The following ZNF654 variants were observed in gnomAD, a reference collection of about 807,000 sequenced individuals.
The protein encoded by ZNF654 is zinc finger protein 654, also known as melanoma-associated antigen.
ZNF654 carries 19 observed loss-of-function variants against 95.3 expected under a neutral mutation model. The observed-to-expected ratio is 0.20, with a 90% confidence interval of 0.14 to 0.29. The LOEUF (loss-of-function observed/expected upper bound fraction) is 0.29, where lower values mean the gene tolerates loss of function less well. Ranked by LOEUF, ZNF654 falls within the 10% of genes least tolerant of loss-of-function variation. The pLI is 1.00. For missense variants in ZNF654, 1,046 were observed against 1,341.0 expected (o/e 0.78, Z 3.44); for synonymous variants, 413 against 457.9 (o/e 0.90, Z 1.25).
At chr3:88,138,673 AG>A (rs1706952232) in intron 7 of ZNF654, 31 bp from the exon 8 acceptor site, 1 of 1,205,852 alleles carries the variant, frequency 8.3e-7, no homozygotes, top group African/African-American at 1.6e-5. Flanking sequence ...TTGGAAAAAA[AG>A]TATTTAGCAC....
intron 1 of ZNF654, among the ~76,000 whole-genome samples, chr3:88,074,466 C>A: frequency 6.6e-6 from 1 of 151,930 alleles, no homozygotes; most frequent in South Asian, 2.1e-4. Flanking sequence ...CTCAGCCTCC[C>A]AAGTAGCTGG....
intron 1 of ZNF654, among the ~76,000 whole-genome samples, chr3:88,060,414 A>G (rs1446822012): frequency 6.6e-6 from 1 of 152,086 alleles, no homozygotes; most frequent in East Asian, 1.9e-4. Context: ...ATTCTCATCT[A>G]CCTGCATTTG....
chr3:88,113,118 T>C lies in ZNF654; in HGVS notation c.336T>C (p.Ser112=). 7 of 1,529,812 alleles carry C rather than the reference T, an allele frequency of 4.6e-6. No individual in the cohort carries two copies. The South Asian group carries it at 8.4e-5, about 18-fold the overall frequency. The allele number at this position is 1,529,812 out of a possible 1,614,324, so 94.8% of individuals were successfully genotyped here. Residue 112 remains serine, a synonymous_variant, in exon 3 of 9, where the codon AGT becomes AGC. Transcript: ENST00000636215. ...VQYVLSSLAV[S]FFELLLFFGR... The stretch of plus-strand genomic sequence containing the variant: ...GTTATTCACTTATTCTTTCTAGGAG[T>C]TTCTTTGAGTTGCTGCTGTTCTTTG...
At chr3:88,077,660 A>C (rs909118555) in intron 1 of ZNF654, among the ~76,000 whole-genome samples, 11 of 148,672 alleles carry the variant, frequency 7.4e-5, no homozygotes, top group Non-Finnish European at 1.5e-4. Context: ...AAAATAACAC[A>C]TAGGAAAGAT....
At chr3:88,119,957 T>G (rs1300486210) in intron 3 of ZNF654, among the ~76,000 whole-genome samples, 1 of 152,194 alleles carries the variant, frequency 6.6e-6, no homozygotes, top group African/African-American at 2.4e-5. Flanking sequence ...AGCATGTACA[T>G]TTATTACTTT....
At chr3:88,072,156 G>A (rs1559690693) in intron 1 of ZNF654, among the ~76,000 whole-genome samples, 1 of 152,058 alleles carries the variant, frequency 6.6e-6, no homozygotes, top group Admixed American at 6.5e-5. Flanking sequence ...AACCATCCTT[G>A]CTCTAAAGGA....
chr3:88,076,542 C>G, intron 1 of ZNF654, among the ~76,000 whole-genome samples: 1 of 151,952 alleles, frequency 6.6e-6, no homozygotes, highest in East Asian at 1.9e-4. Flanking sequence ...TTTAATTTTT[C>G]CACTGTTAAT....
chr3:88,124,670 C>T (rs184858943), intron 3 of ZNF654, among the ~76,000 whole-genome samples: 2 of 152,004 alleles, frequency 1.3e-5, no homozygotes, highest in African/African-American at 4.8e-5. Flanking sequence ...AATTCTGAAG[C>T]TTTGCTTTAT....
chr3:88,123,872 C>A (rs1705926740), intron 3 of ZNF654, among the ~76,000 whole-genome samples: 1 of 152,180 alleles, frequency 6.6e-6, no homozygotes, highest in South Asian at 2.1e-4. Flanking sequence ...GGGCAGTCAT[C>A]TGTATGTCTA....
At chr3:88,138,181 CTTATTTGGATAAATAA>C (rs1706913325) in intron 7 of ZNF654, among the ~76,000 whole-genome samples, 1 of 152,052 alleles carries the variant, frequency 6.6e-6, no homozygotes, top group South Asian at 2.1e-4. Context: ...CATTTCCCCC[CTTATTTGGATAAATAA>C]CATTACTTAA....
rs570091733 is a variant in ZNF654 at position 88,127,677 on chromosome 3, G to A, written c.551-1132G>A. Among the ~76,000 whole-genome samples, 11 of 152,246 alleles carry A rather than the reference G, an allele frequency of 7.2e-5. No individual in the cohort carries two copies. The South Asian group carries it at 1.0e-3, about 14-fold the overall frequency. Reference sequence around the variant, plus strand: ...TAAGGGATAGATTTAGGCTTCACTCGTAGGATCTAGAATAAACCTGTTGTT... The same window carrying A: ...TAAGGGATAGATTTAGGCTTCACTCATAGGATCTAGAATAAACCTGTTGTT... On this transcript the variant is annotated intron_variant, in intron 4 of 8. Transcript: ENST00000636215.
At chr3:88,104,674 A>T (rs1704626361) in intron 2 of ZNF654, among the ~76,000 whole-genome samples, 1 of 152,208 alleles carries the variant, frequency 6.6e-6, no homozygotes, top group African/African-American at 2.4e-5. Context: ...TGTAAACTCT[A>T]GAGTAACCGC....
intron 1 of ZNF654, among the ~76,000 whole-genome samples, chr3:88,062,705 A>G (rs552562300): frequency 6.6e-6 from 1 of 152,340 alleles, no homozygotes; most frequent in East Asian, 1.9e-4. Flanking sequence ...TTCTGGAACC[A>G]CTTTGATATG....
intron 2 of ZNF654, among the ~76,000 whole-genome samples, chr3:88,091,051 C>A (rs1296140046): frequency 6.6e-6 from 1 of 152,158 alleles, no homozygotes; most frequent in African/African-American, 2.4e-5. Flanking sequence ...CTATGGTATT[C>A]AGTACAGTAG....
chr3:88,116,557 T>TACACACACACACACACAC (rs745598873), intron 3 of ZNF654, among the ~76,000 whole-genome samples: 12 of 25,502 alleles, frequency 4.7e-4, no homozygotes, highest in African/African-American at 1.1e-3. Flanking sequence ...TACATACATA[T>TACACACACACACACACAC]ATATACACAC....
intron 7 of ZNF654, among the ~76,000 whole-genome samples, chr3:88,137,185 ACT>A (rs1344583858): frequency 5.8e-5 from 6 of 102,794 alleles, no homozygotes; most frequent in African/African-American, 1.9e-4. Flanking sequence ...ACAGTGCGAG[ACT>A]CTGTCTCAAA....
chr3:88,080,103 G>A (rs1337529099), intron 1 of ZNF654, among the ~76,000 whole-genome samples: 1 of 151,986 alleles, frequency 6.6e-6, no homozygotes, highest in Non-Finnish European at 1.5e-5. Context: ...TCAGGTATCT[G>A]TTCAGGCATG....
In ZNF654 at chr3:88,143,181, A is replaced by G. The variant is rs1707209443; in HGVS notation, c.*1529A>G. The G allele has an allele frequency of 6.6e-6, 1 of 152,300 alleles. No individual in the cohort carries two copies. The highest frequency in any genetic ancestry group is 2.1e-4 in the South Asian group (1 of 4,834). 9.4% of individuals were successfully genotyped at this position (152,300 alleles called of 1,614,324 possible). A position where few individuals can be genotyped will look rare whatever the true frequency, so the allele number is the denominator to read the frequency against. ...GGGGAATTTCTTCCAGGTAGCATCC[A>G]TATTTTATTAAATTAGGATTTCCAG... On this transcript the variant is annotated 3_prime_UTR_variant, in exon 9 of 9. Coordinates refer to ENST00000636215, the MANE Select transcript of ZNF654 (RefSeq NM_001350134.2).
At chr3:88,067,936 G>A (rs1205611134) in intron 1 of ZNF654, among the ~76,000 whole-genome samples, 1 of 151,402 alleles carries the variant, frequency 6.6e-6, no homozygotes, top group African/African-American at 2.4e-5. Context: ...TTAAAATCTG[G>A]TGAGAATGAT....
Sources: gnomAD v4.1 joint callset for allele counts (sites outside exome capture counted in the v4.1 genomes callset) on GRCh38, gnomAD v4.1.1 for gene constraint, MANE v1.5 for transcripts, NCBI Gene and HGNC (gene_info 2026-07-23, HGNC 2026-07-21) for gene names.